Variants in HABP2 observed in about 807,000 individuals in gnomAD.
The protein encoded by HABP2 is factor VII-activating protease.
HABP2 carries 65 observed loss-of-function variants against 66.5 expected under a neutral mutation model. That is an observed-to-expected ratio of 0.98 (90% CI 0.80 to 1.20). HABP2 has a LOEUF of 1.20. HABP2 is among the 50% of genes most tolerant of loss of function. HABP2 has a pLI of 0.00. For synonymous variants in HABP2, 263 were observed against 253.9 expected (o/e 1.04, Z -0.34); for missense variants, 786 against 691.0 (o/e 1.14, Z -1.54).
intron 2 of HABP2, among the ~76,000 whole-genome samples, chr10:113,568,106 C>T (rs1845234165): frequency 6.6e-6 from 1 of 152,236 alleles, no homozygotes; most frequent in Middle Eastern, 3.2e-3. Context: ...CTTATTGTCT[C>T]CCTTTCCTGT....
intron 1 of HABP2, among the ~76,000 whole-genome samples, chr10:113,562,441 CTT>C (rs11396673): frequency 0.32 from 39,271 of 121,216 alleles, 6,690 homozygotes; most frequent in Non-Finnish European, 0.42. Context: ...ATTGGATAAG[CTT>C]TTTTTTTTTT....
chr10:113,578,140 A>T lies in HABP2; in HGVS notation c.563A>T (p.Glu188Val), dbSNP rs148642824. ...CPDQFKGKFC[E>V]IGSDDCYVGD... Reference sequence around the variant, plus strand: ...GACCAGTTCAAGGGGAAATTCTGTGAAATAGGTATGGGTCTCTGCCACCAT... The same window carrying T: ...GACCAGTTCAAGGGGAAATTCTGTGTAATAGGTATGGGTCTCTGCCACCAT... Residue 188 changes from glutamate (E) to valine (V), a missense_variant, in exon 6 of 13, where the codon GAA (glutamate) becomes GTA (valine). Physicochemically the swap from Glu to Val is moderately radical, Grantham distance 121 (BLOSUM62 -2). Transcript: ENST00000351270. 6.1e-5 allele frequency: 98 copies of T among 1,614,024 alleles called. No individual in the cohort carries two copies. The highest frequency in any genetic ancestry group is 8.2e-5 in the Non-Finnish European group (97 of 1,180,008).
At chr10:113,579,040 T>C (rs1845470332) in intron 7 of HABP2, among the ~76,000 whole-genome samples, 1 of 151,360 alleles carries the variant, frequency 6.6e-6, no homozygotes, top group African/African-American at 2.4e-5. Context: ...GCAGATTGCT[T>C]GAGCCCAGGA....
At chr10:113,571,854 T>C (rs569087133) in intron 2 of HABP2, among the ~76,000 whole-genome samples, 2 of 152,324 alleles carry the variant, frequency 1.3e-5, no homozygotes, top group African/African-American at 4.8e-5. Context: ...CCCAATGCCA[T>C]CCTGAACCTG....
chr10:113,580,056 A>T (rs1845492252), intron 7 of HABP2, among the ~76,000 whole-genome samples: 4 of 151,642 alleles, frequency 2.6e-5, no homozygotes, highest in Non-Finnish European at 4.4e-5. Context: ...CTGGGATTAC[A>T]GGCATGAGCC....
intron 5 of HABP2, 42 bp downstream of exon 5, chr10:113,577,308 C>A: frequency 9.7e-7 from 1 of 1,026,060 alleles, no homozygotes; most frequent in Non-Finnish European, 1.6e-6. Context: ...TTTCTGTGCC[C>A]TATCTTGTAC....
intron 9 of HABP2, 63 bp downstream of exon 9, chr10:113,582,194 C>A: frequency 2.0e-6 from 3 of 1,486,220 alleles, no homozygotes; most frequent in South Asian, 1.2e-5. Flanking sequence ...CTCCCCTTCC[C>A]CTCTGAGCAG....
chr10:113,553,777 G>A lies in HABP2; in HGVS notation c.69+587G>A, dbSNP rs1844942095. On this transcript the variant is annotated intron_variant, in intron 1 of 12. Coordinates refer to ENST00000351270, the MANE Select transcript of HABP2 (RefSeq NM_004132.5). ...GCAGAGAAGGTGAGCAGGGGCCCAA[G>A]GGAGGTTGCAGTGCGCAGGGAAGGG... Among the ~76,000 whole-genome samples, 2 of 152,182 alleles carry A rather than the reference G, an allele frequency of 1.3e-5. 1 individual carries two copies. The highest frequency in any genetic ancestry group is 4.1e-4 in the South Asian group (2 of 4,828).
intron 1 of HABP2, among the ~76,000 whole-genome samples, chr10:113,556,089 T>G (rs1235698369): frequency 6.6e-6 from 1 of 152,306 alleles, no homozygotes; most frequent in South Asian, 2.1e-4. Flanking sequence ...TAAAACAATG[T>G]TTACATTTCT....
At chr10:113,551,742 G>T (rs555407890), upstream of HABP2, among the ~76,000 whole-genome samples, 16 of 152,174 alleles carry the variant, frequency 1.1e-4, no homozygotes, top group South Asian at 2.9e-3. Flanking sequence ...GGAGGCAGAG[G>T]TTGCAGTGAG....
At chr10:113,577,995 A>G (rs768995711) in intron 5 of HABP2, 31 bp from the exon 6 acceptor site, 2 of 1,610,460 alleles carry the variant, frequency 1.2e-6, no homozygotes, top group Non-Finnish European at 1.7e-6. Flanking sequence ...CCTTCTGAAG[A>G]GCCTTCCTGG....
intron 12 of HABP2, among the ~76,000 whole-genome samples, chr10:113,586,477 G>A (rs4918855): frequency 1.3e-5 from 1 of 78,756 alleles, no homozygotes; most frequent in African/African-American, 4.0e-5. Context: ...TGTGTGTGTG[G>A]GGGGGGGGGG....
chr10:113,577,119 A>C (rs551086844), intron 4 of HABP2, 31 bp from the exon 5 acceptor site: 3 of 1,232,566 alleles, frequency 2.4e-6, no homozygotes, highest in Non-Finnish European at 3.6e-6. Context: ...ATGTGCCCCA[A>C]ATAATGTCTT....
At chr10:113,571,898 C>A (rs1370933224) in intron 2 of HABP2, among the ~76,000 whole-genome samples, 1 of 152,138 alleles carries the variant, frequency 6.6e-6, no homozygotes, top group Non-Finnish European at 1.5e-5. Flanking sequence ...GTTCACAAGA[C>A]AAGTTACATA....
chr10:113,572,106 G>A (rs1845325185), intron 2 of HABP2, among the ~76,000 whole-genome samples: 1 of 152,238 alleles, frequency 6.6e-6, no homozygotes, highest in African/African-American at 2.4e-5. Flanking sequence ...CTGGCTACCT[G>A]GGGCCACTGA....
At chr10:113,588,144 T>TG (rs1845692374) in intron 12 of HABP2, 61 bp from the exon 13 acceptor site, 1 of 1,381,346 alleles carries the variant, frequency 7.2e-7, no homozygotes, top group Non-Finnish European at 9.9e-7. Context: ...TGGAGAGAGG[T>TG]GGGGGCATCT....
rs1238206474 is a variant in HABP2 at position 113,578,014 on chromosome 10, C to T, written c.449-12C>T. The T allele has an allele frequency of 6.2e-7, 1 of 1,613,720 alleles. No homozygotes were observed. The highest frequency in any genetic ancestry group is 8.5e-7 in the Non-Finnish European group (1 of 1,179,904). On this transcript the variant is annotated splice_polypyrimidine_tract_variant and intron_variant, in intron 5 of 12. Transcript: ENST00000351270. ...CTGAAGAGCCTTCCTGGCCCCATTCCTGTGTTCACAGTGGTTCCTGTATGC... is the reference window on the plus strand; with the variant it reads ...CTGAAGAGCCTTCCTGGCCCCATTCTTGTGTTCACAGTGGTTCCTGTATGC...
intron 1 of HABP2, among the ~76,000 whole-genome samples, chr10:113,554,066 A>G (rs889395777): frequency 1.3e-5 from 2 of 152,136 alleles, no homozygotes; most frequent in African/African-American, 4.8e-5. Context: ...CAAGGAACAT[A>G]ATCTCTCTGA....
At chr10:113,585,376 A>G (rs1234880207) in intron 11 of HABP2, among the ~76,000 whole-genome samples, 1 of 152,222 alleles carries the variant, frequency 6.6e-6, no homozygotes, top group Non-Finnish European at 1.5e-5. Context: ...GATTGATGTC[A>G]TTATCTTTAC....
Sources: gnomAD v4.1 joint callset for allele counts (sites outside exome capture counted in the v4.1 genomes callset) on GRCh38, gnomAD v4.1.1 for gene constraint, MANE v1.5 for transcripts, NCBI Gene and HGNC (gene_info 2026-07-23, HGNC 2026-07-21) for gene names.